The following VAX1 variants were observed in gnomAD, a reference collection of about 807,000 sequenced individuals.
VAX1 encodes ventral anterior homeobox 1.
A neutral mutation model predicts 17.6 loss-of-function variants in VAX1; 6 were observed. The observed-to-expected ratio is 0.34, with a 90% CI of 0.19 to 0.67. The LOEUF is 0.67. VAX1 is among the 30% of genes least tolerant of loss of function. The pLI is 0.69. For missense variants in VAX1, 408 were observed against 463.7 expected, an observed-to-expected ratio of 0.88 and a Z score of 1.10; for synonymous variants, 256 against 227.4, an observed-to-expected ratio of 1.13 and a Z score of -1.13.
At chr10:117,135,724 G>A (rs1308524638) in intron 2 of VAX1, among the ~76,000 whole-genome samples, 1 of 152,212 alleles carries the variant, frequency 6.6e-6, no homozygotes, top group Non-Finnish European at 1.5e-5. Context: ...GTCCTCTCCT[G>A]GGCCCAGAGC....
chr10:117,130,619 GA>G (rs1353292719), downstream of VAX1: 2 of 152,214 alleles, frequency 1.3e-5, no homozygotes, highest in Non-Finnish European at 2.9e-5. Context: ...TTGGAAGCCA[GA>G]AGCCTCCAGG....
Position 117,133,986 on chromosome 10 carries a change from A to G in VAX1, c.*22T>C. ...TCACCACAATAGATACTATAAATAT[A>G]AATACAGGGAAACACTTAAAATCAG... On this transcript the variant is annotated 3_prime_UTR_variant, in exon 3 of 3. Transcript: ENST00000369206. The G allele has an allele frequency of 1.3e-6, 2 of 1,498,932 alleles. No individual in the cohort carries two copies. The highest frequency in any genetic ancestry group is 1.8e-6 in the Non-Finnish European group (2 of 1,126,960). The allele number at this position is 1,498,932 out of a possible 1,614,324, so 92.9% of individuals were successfully genotyped here.
At position 117,134,139 on chromosome 10, in the gene VAX1, G is replaced by C; in HGVS notation, c.874C>G (p.Pro292Ala). 2.6e-6 allele frequency: 4 copies of C among 1,534,066 alleles called. No individual in the cohort carries two copies. Among genetic ancestry groups the C allele is most frequent in the Non-Finnish European group, 3.5e-6 (4 of 1,139,620 alleles). The change falls in exon 3 of 3, where the codon CCG (proline) becomes GCG (alanine). Residue 292 changes from proline (P) to alanine (A), a missense_variant. Pro to Ala is a conservative substitution (Grantham distance 27). Around this residue, in one of 4 missense-constraint regions of VAX1, gnomAD observed 196 missense variants for 218.7 expected, o/e 0.90. Coordinates refer to ENST00000369206, the MANE Select transcript of VAX1 (RefSeq NM_001112704.2). The surrounding 1 kb of genome is among the most constrained non-coding windows in gnomAD (Gnocchi z 6.2). The stretch of plus-strand genomic sequence containing the variant: ...GCTAGCGAACCAGCCATTGTTAACG[G>C]GGCGGAGGACAGGCGGCTGGCGACG... Reference protein sequence around the residue: ...GSVASRLSSAPLTMAGSLAGN... With the variant: ...GSVASRLSSAALTMAGSLAGN...
intron 2 of VAX1, among the ~76,000 whole-genome samples, chr10:117,135,316 C>T (rs1353503443): frequency 6.6e-6 from 1 of 152,312 alleles, no homozygotes; most frequent in African/African-American, 2.4e-5. Context: ...TTTATCTCTC[C>T]ACTGGTCTGA....
chr10:117,129,306 T>A (rs1854055659), downstream of VAX1: 1 of 152,504 alleles, frequency 6.6e-6, no homozygotes, highest in African/African-American at 2.4e-5. Flanking sequence ...GACTAGGGCT[T>A]AGGAACCTGG....
chr10:117,132,457 A>G, downstream of VAX1: 1 of 1,612,176 alleles, frequency 6.2e-7, no homozygotes, highest in Non-Finnish European at 8.5e-7. This position sits in a 1 kb window ranked among gnomAD's most constrained non-coding sequence, Gnocchi z 4.9. Flanking sequence ...TGAATCGTTC[A>G]TTATTTTCTT....
chr10:117,135,270 A>G (rs1854157842), intron 2 of VAX1, among the ~76,000 whole-genome samples: 3 of 152,246 alleles, frequency 2.0e-5, no homozygotes, highest in African/African-American at 7.2e-5. Context: ...TCTTCTCACC[A>G]GATAGCTGCA....
downstream of VAX1, chr10:117,132,350 T>C (rs1854099021): frequency 1.2e-6 from 2 of 1,611,154 alleles, no homozygotes; most frequent in East Asian, 2.2e-5. This position sits in a 1 kb window ranked among gnomAD's most constrained non-coding sequence, Gnocchi z 4.9. Flanking sequence ...CATAGATATA[T>C]ATATTTCACT....
At chr10:117,135,690 A>G (rs891559725) in intron 2 of VAX1, among the ~76,000 whole-genome samples, 3 of 152,260 alleles carry the variant, frequency 2.0e-5, no homozygotes, top group Non-Finnish European at 4.4e-5. Flanking sequence ...CAAGCTGGTG[A>G]CATGCCACTT....
At position 117,137,590 on chromosome 10, in the gene VAX1, C is replaced by G. The variant is rs1350903397; in HGVS notation, c.241+226G>C. On this transcript the variant is annotated intron_variant, in intron 1 of 2. Transcript: ENST00000369206. This position sits in a 1 kb window ranked among gnomAD's most constrained non-coding sequence, Gnocchi z 7.4. ...GCAGCCCCTCATCTCCCCCCGCAGCCCGGTCAGCGGGGCCCCTCCGGGCGT... is the reference window on the plus strand; with the variant it reads ...GCAGCCCCTCATCTCCCCCCGCAGCGCGGTCAGCGGGGCCCCTCCGGGCGT... 1.3e-5 allele frequency among the ~76,000 whole-genome samples: 2 copies of G among 152,216 alleles called. No homozygotes were observed. Among genetic ancestry groups the G allele is most frequent in the African/African-American group, 2.4e-5 (1 of 41,480 alleles).
chr10:117,134,726 C>T lies in VAX1; in HGVS notation c.430-143G>A, dbSNP rs1392910641. The stretch of plus-strand genomic sequence containing the variant: ...AGCCCCACCCAGCAGCCGGAGGGGT[C>T]CGGGCCGGGGCGCTGCTGGGGGAGC... On this transcript the variant is annotated intron_variant, in intron 2 of 2. Transcript: ENST00000369206. The surrounding 1 kb of genome is among the most constrained non-coding windows in gnomAD (Gnocchi z 6.2). 2.4e-6 allele frequency: 2 copies of T among 848,964 alleles called. No homozygotes were observed. The highest frequency in any genetic ancestry group is 3.6e-5 in the African/African-American group (2 of 55,224). The allele number at this position is 848,964 out of a possible 1,614,324, so 52.6% of individuals were successfully genotyped here.
downstream of VAX1, chr10:117,129,754 T>C (rs1253438699): frequency 6.6e-6 from 1 of 151,762 alleles, no homozygotes; most frequent in African/African-American, 2.4e-5. Flanking sequence ...ATAATTCAAT[T>C]TATAAATAAT....
rs1253636317 is a variant in VAX1, at chr10:117,134,322, C to T, written c.691G>A (p.Ala231Thr). The change falls in exon 3 of 3, where the codon GCC becomes ACC. Residue 231 changes from alanine to threonine, a missense_variant. Ala to Thr is a moderately conservative substitution (Grantham distance 58). Transcript: ENST00000369206. The surrounding 1 kb of genome is among the most constrained non-coding windows in gnomAD (Gnocchi z 6.2). ...GCGCCCGCTGGGCCCGGGGCGGCGG[C>T]GGCGGCTGCGGCGGCCGAGCCTGCA... ...AAAGSAAAAAAAAPGPAGAAS... is the reference protein window; with the variant it reads ...AAAGSAAAAATAAPGPAGAAS... 5 of 1,022,082 alleles carry T rather than the reference C, an allele frequency of 4.9e-6. No homozygotes were observed. Among genetic ancestry groups the T allele is most frequent in the Non-Finnish European group, 5.8e-6 (5 of 856,326 alleles). The allele number at this position is 1,022,082 out of a possible 1,614,324, so 63.3% of individuals were successfully genotyped here.
chr10:117,138,253 C>G lies in VAX1; in HGVS notation c.-197G>C. 3 of 681,620 alleles carry G rather than the reference C, an allele frequency of 4.4e-6. No homozygotes were observed. The South Asian group carries it at 5.8e-5, about 13-fold the overall frequency. 42.2% of individuals were successfully genotyped at this position (681,620 alleles called of 1,614,324 possible). A position where few individuals can be genotyped will look rare whatever the true frequency, so the allele number is the denominator to read the frequency against. On this transcript the variant is annotated 5_prime_UTR_variant, in exon 1 of 3. Transcript: ENST00000369206. ...GAGGCTTCGGCGGCCGCGCGCGGGT[C>G]AGCGGCGACGGGAGAGTGGCGCGCT...
rs372435563 is a variant in VAX1 at position 117,138,016 on chromosome 10, G to A, written c.41C>T (p.Ser14Leu). ...CGAGACCCGGGCAGCCTCGGCGTCC[G>A]AGTGGCATCGAACGTCCATTTTGTC... is the stretch of plus-strand genomic sequence containing the variant. ...KPDKMDVRCH[S>L]DAEAARVSKN... is the part of the protein sequence containing the mutation. The change falls in exon 1 of 3, where the codon TCG (serine) becomes TTG (leucine). Residue 14 changes from serine (S) to leucine (L), a missense_variant. Physicochemically the swap from Ser to Leu is moderately radical, Grantham distance 145 (BLOSUM62 -2). Around this residue, in one of 4 missense-constraint regions of VAX1, gnomAD observed 133 missense variants for 112.0 expected, o/e 1.19. Transcript: ENST00000369206. 1.9e-6 allele frequency: 3 copies of A among 1,577,336 alleles called. No individual in the cohort carries two copies. In the African/African-American group the frequency reaches 4.1e-5, roughly 22 times the overall value.
In VAX1 at chr10:117,136,676, G is replaced by A; in HGVS notation, c.242-17C>T. On this transcript the variant is annotated splice_polypyrimidine_tract_variant and intron_variant, in intron 1 of 2. Transcript: ENST00000369206. This position sits in a 1 kb window ranked among gnomAD's most constrained non-coding sequence, Gnocchi z 5.0. ...CCTTGGCATCTGGGGAAGGGGAGAT[G>A]TCAGCCGCCAGAACCCTCCCGTCCC... 6.3e-7 allele frequency: 1 copy of A among 1,598,192 alleles called. No individual in the cohort carries two copies. Among genetic ancestry groups the A allele is most frequent in the East Asian group, 2.3e-5 (1 of 44,384 alleles).
At position 117,133,780 on chromosome 10, in the gene VAX1, AGAAG is replaced by A; in HGVS notation, c.*224_*227del. 1 of 1,301,348 alleles carries A rather than the reference AGAAG, an allele frequency of 7.7e-7. No individual in the cohort carries two copies. The highest frequency in any genetic ancestry group is 9.7e-7 in the Non-Finnish European group (1 of 1,032,078). The allele number at this position is 1,301,348 out of a possible 1,614,324, so 80.6% of individuals were successfully genotyped here. On this transcript the variant is annotated 3_prime_UTR_variant, in exon 3 of 3. Coordinates refer to ENST00000369206, the MANE Select transcript of VAX1 (RefSeq NM_001112704.2). The stretch of plus-strand genomic sequence containing the variant: ...AATTCTTTGGATCGCTCCTGGATTC[AGAAG>A]GAAGTTGGGGGTTGGGGAGGAATCT...
Position 117,133,895 on chromosome 10 carries a change from G to A in VAX1, c.*113C>T. ...TAGTGGGAAAGGAGAGCTGTCAGAG[G>A]CCTGGTGGGAGCCAGGAGCCCAGCG... On this transcript the variant is annotated 3_prime_UTR_variant, in exon 3 of 3. Transcript: ENST00000369206. The A allele has an allele frequency of 1.2e-5, 17 of 1,410,484 alleles. No homozygotes were observed. Among genetic ancestry groups the A allele is most frequent in the Non-Finnish European group, 1.6e-5 (17 of 1,089,432 alleles). 87.4% of individuals were successfully genotyped at this position (1,410,484 alleles called of 1,614,324 possible). A position where few individuals can be genotyped will look rare whatever the true frequency, so the allele number is the denominator to read the frequency against.
chr10:117,134,244 C>G lies in VAX1; in HGVS notation c.769G>C (p.Gly257Arg), dbSNP rs1854134503. ...GCGCCTGCGTGCAATCCCCCCGGCC[C>G]GGCGGGCCCGGGACCTGGAGCACCG... ...VGGAPGPGPA[G>R]PGGLHAGAPA... Residue 257 changes from glycine to arginine, a missense_variant, in exon 3 of 3, where the codon GGG (glycine) becomes CGG (arginine). By Grantham distance (125) the Gly-to-Arg change is moderately radical. Around this residue, in one of 4 missense-constraint regions of VAX1, gnomAD observed 196 missense variants for 218.7 expected, o/e 0.90. Coordinates refer to ENST00000369206, the MANE Select transcript of VAX1 (RefSeq NM_001112704.2). The surrounding 1 kb of genome is among the most constrained non-coding windows in gnomAD (Gnocchi z 6.2). 1.4e-6 allele frequency: 2 copies of G among 1,393,772 alleles called. No homozygotes were observed. The highest frequency in any genetic ancestry group is 6.2e-5 in the East Asian group (2 of 32,434). 86.3% of individuals were successfully genotyped at this position (1,393,772 alleles called of 1,614,324 possible). A position where few individuals can be genotyped will look rare whatever the true frequency, so the allele number is the denominator to read the frequency against.
Sources: allele counts gnomAD v4.1 joint callset (sites outside exome capture counted in the v4.1 genomes callset), GRCh38; gene constraint gnomAD v4.1.1; regional missense constraint gnomAD v4.1.1; non-coding constraint Gnocchi (gnomAD v3.1); transcripts MANE v1.5; gene names NCBI Gene and HGNC (gene_info 2026-07-23, HGNC 2026-07-21).